The following TMEM272 variants were observed in gnomAD, a reference collection of about 807,000 sequenced individuals.
The protein encoded by TMEM272 is long intergenic non-protein coding RNA 282.
TMEM272 carries 8 observed loss-of-function variants against 3.7 expected under a neutral mutation model. The ratio of observed to expected loss-of-function variants is 2.17; its 90% CI spans 1.27 to 3.91. TMEM272 has a LOEUF of 3.91. Ranked by LOEUF, TMEM272 falls within the 30% of genes most tolerant of loss-of-function variation. The pLI is 0.00. For synonymous variants in TMEM272, 63 were observed against 39.8 expected (o/e 1.58, Z -2.20); for missense variants, 166 against 91.5 (o/e 1.81, Z -3.32).
At chr13:51,881,385 G>C in the TMEM272 span, among the ~76,000 whole-genome samples, 1 of 151,958 alleles carries the variant, frequency 6.6e-6, no homozygotes, top group Non-Finnish European at 1.5e-5. Context: ...CAGATAATGA[G>C]AAATGAAGAA....
the TMEM272 span, chr13:51,910,196 C>T: frequency 6.1e-6 from 7 of 1,151,632 alleles, no homozygotes; most frequent in South Asian, 4.9e-5. Flanking sequence ...GTATTTCATG[C>T]TCCAGTTCAG....
intron 3 of TMEM272, among the ~76,000 whole-genome samples, 164 bp downstream of exon 3, chr13:51,826,402 T>A (rs895853830): frequency 2.0e-5 from 3 of 152,196 alleles, no homozygotes; most frequent in Non-Finnish European, 2.9e-5. Flanking sequence ...GTGTATTTTT[T>A]AAATCTTCAC....
chr13:51,876,018 G>A, the TMEM272 span, among the ~76,000 whole-genome samples: 3 of 152,162 alleles, frequency 2.0e-5, no homozygotes, highest in Admixed American at 6.5e-5. Flanking sequence ...TTCCTAGAGC[G>A]GATCTCTTTT....
upstream of TMEM272, among the ~76,000 whole-genome samples, chr13:51,846,969 C>T (rs1159897129): frequency 1.3e-5 from 2 of 152,204 alleles, no homozygotes; most frequent in East Asian, 3.8e-4. Context: ...ACTAATCACT[C>T]ACTCACTGAC....
At chr13:51,874,905 G>A in the TMEM272 span, among the ~76,000 whole-genome samples, 4 of 152,276 alleles carry the variant, frequency 2.6e-5, no homozygotes, top group African/African-American at 7.2e-5. Context: ...ACAATGCTTC[G>A]TGACAGCCTG....
At chr13:51,887,605 G>C in the TMEM272 span, among the ~76,000 whole-genome samples, 1 of 152,156 alleles carries the variant, frequency 6.6e-6, no homozygotes, top group African/African-American at 2.4e-5. Flanking sequence ...CTTTGAGCTT[G>C]CTCCTCCACA....
chr13:51,830,169 T>C (rs1004144473), intron 2 of TMEM272, among the ~76,000 whole-genome samples: 2 of 152,272 alleles, frequency 1.3e-5, no homozygotes, highest in Non-Finnish European at 2.9e-5. Flanking sequence ...TCTTGTGTCA[T>C]GTAAAACTTG....
chr13:51,917,119 C>T, the TMEM272 span, among the ~76,000 whole-genome samples: 1 of 152,238 alleles, frequency 6.6e-6, no homozygotes, highest in Non-Finnish European at 1.5e-5. Flanking sequence ...GGTGCCAGCC[C>T]ACCCACCTCC....
At chr13:51,909,390 A>C in the TMEM272 span, 5 of 874,278 alleles carry the variant, frequency 5.7e-6, no homozygotes, top group South Asian at 4.0e-5. Flanking sequence ...TACTTTAGAA[A>C]GTTTCTCTTT....
At chr13:51,898,920 C>T in the TMEM272 span, among the ~76,000 whole-genome samples, 1 of 152,260 alleles carries the variant, frequency 6.6e-6, no homozygotes, top group East Asian at 1.9e-4. Context: ...GCCTCAATCC[C>T]TGCTCCAATC....
At chr13:51,900,117 A>G in the TMEM272 span, among the ~76,000 whole-genome samples, 3,375 of 152,296 alleles carry the variant, frequency 0.022, 106 homozygotes, top group African/African-American at 0.077. Context: ...CTGAAATCAC[A>G]GGCAAAAAAA....
At chr13:51,906,887 T>C in the TMEM272 span, among the ~76,000 whole-genome samples, 1 of 152,234 alleles carries the variant, frequency 6.6e-6, no homozygotes, top group South Asian at 2.1e-4. Context: ...TGACTCCACA[T>C]TAGCAAAGAC....
At chr13:51,843,508 A>C (rs756491673) in intron 1 of TMEM272, among the ~76,000 whole-genome samples, 3 of 152,216 alleles carry the variant, frequency 2.0e-5, no homozygotes, top group Non-Finnish European at 4.4e-5. Context: ...TGTCAATGCA[A>C]TCCATTAAAT....
chr13:51,835,594 A>G (rs113725784), intron 2 of TMEM272, among the ~76,000 whole-genome samples: 4 of 152,240 alleles, frequency 2.6e-5, no homozygotes, highest in African/African-American at 9.6e-5. Flanking sequence ...AAAACCAGAA[A>G]GAAGTAAATT....
At chr13:51,823,914 C>T (rs1220356225) in intron 3 of TMEM272, among the ~76,000 whole-genome samples, 1 of 152,162 alleles carries the variant, frequency 6.6e-6, no homozygotes, top group Admixed American at 6.5e-5. Flanking sequence ...CCTATGGAGG[C>T]TTGTCTTTTA....
the TMEM272 span, among the ~76,000 whole-genome samples, chr13:51,852,667 C>T: frequency 6.6e-6 from 1 of 152,066 alleles, no homozygotes; most frequent in Non-Finnish European, 1.5e-5. Context: ...ATCATGAGGT[C>T]AAGAGATCGA....
chr13:51,934,307 C>A, the TMEM272 span: 1 of 274,384 alleles, frequency 3.6e-6, no homozygotes, highest in African/African-American at 2.2e-5. Context: ...AAACTGTGGT[C>A]TCAGAAACAT....
In TMEM272 at chr13:51,838,523, C is replaced by T. The variant is rs1409529940; in HGVS notation, c.8G>A (p.Gly3Glu). The T allele has an allele frequency of 1.4e-6, 1 of 703,034 alleles. No homozygotes were observed. The highest frequency in any genetic ancestry group is 2.6e-6 in the Non-Finnish European group (1 of 385,000). 43.5% of individuals were successfully genotyped at this position (703,034 alleles called of 1,614,324 possible). Residue 3 changes from glycine (G) to glutamate (E), a missense_variant, in exon 2 of 5, where the codon GGA becomes GAA. Coordinates refer to ENST00000629372, the MANE Select transcript of TMEM272 (RefSeq NM_001351003.2). The stretch of plus-strand genomic sequence containing the variant: ...CTGATGACACGTTTTCTCCAGACCT[C>T]CTGGCATTGTTCTTGCTCGCTGACA... MP[G>E]GLEKTCHQCI...
At chr13:51,847,900 C>T (rs920032928), upstream of TMEM272, among the ~76,000 whole-genome samples, 10 of 152,192 alleles carry the variant, frequency 6.6e-5, no homozygotes, top group African/African-American at 2.4e-4. Context: ...AGCTTTTCCA[C>T]ATGTCCCCAA....
Sources: allele counts gnomAD v4.1 joint callset (sites outside exome capture counted in the v4.1 genomes callset), GRCh38; gene constraint gnomAD v4.1.1; transcripts MANE v1.5; gene names NCBI Gene and HGNC (gene_info 2026-07-23, HGNC 2026-07-21).